The following TMEM108 variants were observed in gnomAD, a reference collection of about 807,000 sequenced individuals.
The protein encoded by TMEM108 is cancer/testis antigen 124.
In TMEM108, 12 loss-of-function variants were observed where a neutral mutation model predicts 35.1. The observed-to-expected ratio is 0.34, with a 90% CI of 0.22 to 0.55. The LOEUF (loss-of-function observed/expected upper bound fraction) is 0.55, where lower values mean the gene tolerates loss of function less well. TMEM108 is among the 20% of genes least tolerant of loss of function. TMEM108 has a pLI of 0.89. For missense variants in TMEM108, 680 were observed against 753.3 expected (o/e 0.90, Z 1.14); for synonymous variants, 287 against 308.6 (o/e 0.93, Z 0.73).
At chr3:133,252,762 G>A (rs894259612) in intron 3 of TMEM108, among the ~76,000 whole-genome samples, 1 of 152,148 alleles carries the variant, frequency 6.6e-6, no homozygotes, top group Admixed American at 6.5e-5. Context: ...TCACTTATCT[G>A]TAAAGTGGGA....
chr3:133,262,131 A>G (rs561616567), intron 3 of TMEM108, among the ~76,000 whole-genome samples: 35 of 152,184 alleles, frequency 2.3e-4, no homozygotes, highest in African/African-American at 8.4e-4. Flanking sequence ...AGTCTCATAC[A>G]CTCATTTTTG....
intron 3 of TMEM108, chr3:133,246,352 C>A (rs900741965): frequency 6.6e-6 from 1 of 152,106 alleles, no homozygotes; most frequent in Non-Finnish European, 1.5e-5. Context: ...CCCAGGCAGG[C>A]CTTATGCCAG....
chr3:133,321,934 G>A (rs953780559), intron 3 of TMEM108, among the ~76,000 whole-genome samples: 3 of 152,056 alleles, frequency 2.0e-5, no homozygotes, highest in African/African-American at 7.2e-5. Context: ...ATTATCTTTG[G>A]GTCAACAGTG....
At chr3:133,166,839 G>A (rs1488853537) in intron 2 of TMEM108, among the ~76,000 whole-genome samples, 2 of 152,212 alleles carry the variant, frequency 1.3e-5, no homozygotes, top group Non-Finnish European at 1.5e-5. Context: ...TGCTGCTGCT[G>A]GCTTAGGCAG....
intron 3 of TMEM108, among the ~76,000 whole-genome samples, chr3:133,294,153 C>A (rs1947111014): frequency 6.6e-6 from 1 of 152,030 alleles, no homozygotes. Flanking sequence ...ATTTTTCATC[C>A]TTATAAAAAA....
intron 3 of TMEM108, among the ~76,000 whole-genome samples, chr3:133,347,878 A>G (rs1398628710): frequency 1.3e-5 from 2 of 152,128 alleles, no homozygotes; most frequent in African/African-American, 4.8e-5. Flanking sequence ...CCTCACTGCA[A>G]GAAGGAGCAT....
At chr3:133,110,514 G>T (rs1179394208) in intron 2 of TMEM108, among the ~76,000 whole-genome samples, 2 of 152,174 alleles carry the variant, frequency 1.3e-5, no homozygotes, top group Non-Finnish European at 2.9e-5. Flanking sequence ...GACATTTCTA[G>T]TTGGATCAGG....
chr3:133,227,830 G>A (rs1324418303), intron 2 of TMEM108, among the ~76,000 whole-genome samples: 1 of 152,058 alleles, frequency 6.6e-6, no homozygotes, highest in Non-Finnish European at 1.5e-5. Context: ...AAGTGGTGGA[G>A]GTTGCAGTGA....
chr3:133,267,818 G>A (rs1946720400), intron 3 of TMEM108, among the ~76,000 whole-genome samples: 1 of 152,182 alleles, frequency 6.6e-6, no homozygotes, highest in Non-Finnish European at 1.5e-5. Flanking sequence ...CTACTCACAT[G>A]TCCTTGTGAC....
intron 2 of TMEM108, among the ~76,000 whole-genome samples, chr3:133,085,916 A>C (rs1446362040): frequency 6.6e-6 from 1 of 152,148 alleles, no homozygotes; most frequent in Non-Finnish European, 1.5e-5. Flanking sequence ...TTAGAGTGAG[A>C]CTTATTTTGG....
chr3:133,388,089 A>T, intron 4 of TMEM108: 1 of 985,372 alleles, frequency 1.0e-6, no homozygotes, highest in Non-Finnish European at 1.2e-6. Flanking sequence ...GTTTGTCCTG[A>T]TTGCTCCCCT....
chr3:133,156,490 G>T (rs1255342627), intron 2 of TMEM108, among the ~76,000 whole-genome samples: 1 of 152,260 alleles, frequency 6.6e-6, no homozygotes, highest in East Asian at 1.9e-4. Context: ...TTATAATATG[G>T]AATTCCAAAA....
At chr3:133,221,896 T>C (rs1469069324) in intron 2 of TMEM108, among the ~76,000 whole-genome samples, 1 of 152,148 alleles carries the variant, frequency 6.6e-6, no homozygotes, top group Non-Finnish European at 1.5e-5. Context: ...TTACCATAGC[T>C]CTTATTATTT....
chr3:133,053,642 G>T (rs142860343), intron 2 of TMEM108, among the ~76,000 whole-genome samples: 6 of 152,318 alleles, frequency 3.9e-5, no homozygotes, highest in Non-Finnish European at 8.8e-5. Context: ...AGAATCTCAG[G>T]GGTTTTTAGG....
rs191483855 is a variant in TMEM108, at chr3:133,276,946, A to G, written c.40+47595A>G. On this transcript the variant is annotated intron_variant, in intron 3 of 5. Coordinates refer to ENST00000321871, the MANE Select transcript of TMEM108 (RefSeq NM_023943.4). ...GACAGACTATGGAGAGGATGACATG[A>G]TATCTGTTCATTCAGTGGGGTACAC... Among the ~76,000 whole-genome samples, 3 of 152,292 alleles carry G rather than the reference A, an allele frequency of 2.0e-5. No homozygotes were observed. The East Asian group carries it at 5.8e-4, about 29-fold the overall frequency.
intron 2 of TMEM108, among the ~76,000 whole-genome samples, chr3:133,177,848 A>G (rs1236885107): frequency 6.6e-6 from 1 of 152,120 alleles, no homozygotes; most frequent in African/African-American, 2.4e-5. Flanking sequence ...AAGGGTATTC[A>G]ATTAGGAAAA....
At chr3:133,389,426 T>A (rs2073199919) in intron 4 of TMEM108, 1 of 983,588 alleles carries the variant, frequency 1.0e-6, no homozygotes, top group African/African-American at 1.7e-5. Context: ...ACACCTGTAA[T>A]CAATCCCAGC....
chr3:133,074,792 A>G (rs1943720454), intron 2 of TMEM108, among the ~76,000 whole-genome samples: 7 of 152,144 alleles, frequency 4.6e-5, no homozygotes. Flanking sequence ...CCTGGCCACA[A>G]AGCCTATTTT....
At chr3:133,386,496 A>G in intron 4 of TMEM108, 1 of 1,535,832 alleles carries the variant, frequency 6.5e-7, no homozygotes, top group Non-Finnish European at 8.7e-7. Flanking sequence ...CTGAAAATGG[A>G]GTGACCCCTC....
Sources: allele counts gnomAD v4.1 joint callset (sites outside exome capture counted in the v4.1 genomes callset), GRCh38; gene constraint gnomAD v4.1.1; transcripts MANE v1.5; gene names NCBI Gene and HGNC (gene_info 2026-07-23, HGNC 2026-07-21).